The following PPHLN1 variants were observed in gnomAD, a reference collection of about 807,000 sequenced individuals.
The protein encoded by PPHLN1 is periphilin 1.
PPHLN1 carries 29 observed loss-of-function variants against 51.3 expected under a neutral mutation model. The ratio of observed to expected loss-of-function variants is 0.57; its 90% CI spans 0.42 to 0.77. The LOEUF (loss-of-function observed/expected upper bound fraction) is 0.77. PPHLN1 is among the 30% of genes least tolerant of loss of function. The pLI is 0.00. For synonymous variants in PPHLN1, 147 were observed against 147.8 expected (o/e 0.99, Z 0.04); for missense variants, 436 against 438.4 (o/e 0.99, Z 0.05).
In PPHLN1 at chr12:42,396,669, A is replaced by T. The variant is rs1290330723; in HGVS notation, c.769-2185A>T. Among the ~76,000 whole-genome samples, 12 of 138,772 alleles carry T rather than the reference A, an allele frequency of 8.6e-5. No individual in the cohort carries two copies. The Admixed American group carries it at 9.0e-4, about 10-fold the overall frequency. 91.0% of individuals were successfully genotyped at this position (138,772 alleles called of 152,430 possible). A position where few individuals can be genotyped will look rare whatever the true frequency, so the allele number is the denominator to read the frequency against. ...AAAAAGCTGGGTGTGGTGGCCGCTT[A>T]GTCCCAGCTACTCAGGAGACTAAGG... On this transcript the variant is annotated intron_variant, in intron 8 of 9. Transcript: ENST00000358314.
intron 1 of PPHLN1, chr12:42,332,646 T>TC (rs1020582287): frequency 3.7e-5 from 58 of 1,564,062 alleles, no homozygotes; most frequent in Non-Finnish European, 4.8e-5. Flanking sequence ...CGTCTGTATT[T>TC]CCCCCCCTTA....
chr12:42,442,960 T>C (rs1293597195), downstream of PPHLN1: 4 of 602,360 alleles, frequency 6.6e-6, no homozygotes, highest in Non-Finnish European at 1.1e-5. Flanking sequence ...GAAGGCACGC[T>C]GGACCTAGAG....
intron 1 of PPHLN1, among the ~76,000 whole-genome samples, 196 bp from the exon 2 acceptor site, chr12:42,335,687 G>GTTTTT (rs10648343): frequency 8.8e-6 from 1 of 113,726 alleles, no homozygotes; most frequent in Non-Finnish European, 1.8e-5. Flanking sequence ...GGCTTTCCGT[G>GTTTTT]TTTTTTTTTT....
At chr12:42,408,679 A>G (rs921020589) in intron 9 of PPHLN1, among the ~76,000 whole-genome samples, 4 of 152,206 alleles carry the variant, frequency 2.6e-5, no homozygotes, top group African/African-American at 9.6e-5. Flanking sequence ...GATTGGTGAC[A>G]TTACCCACTT....
intron 9 of PPHLN1, among the ~76,000 whole-genome samples, chr12:42,434,071 A>G (rs959558241): frequency 2.6e-5 from 4 of 152,194 alleles, no homozygotes; most frequent in African/African-American, 7.2e-5. Flanking sequence ...CTGTTCCCCC[A>G]TACCTTGCCC....
chr12:42,402,516 T>G (rs1382732834), intron 9 of PPHLN1, among the ~76,000 whole-genome samples: 2 of 152,218 alleles, frequency 1.3e-5, no homozygotes, highest in African/African-American at 4.8e-5. Flanking sequence ...CTTTACTAGC[T>G]TTTCTTCGCT....
chr12:42,411,923 A>AAAAG (rs1424836657), intron 9 of PPHLN1, among the ~76,000 whole-genome samples: 2 of 116,530 alleles, frequency 1.7e-5, no homozygotes, highest in Non-Finnish European at 3.5e-5. Context: ...AAAAAAAAAA[A>AAAAG]GGGCTGGGCG....
rs1349463840 is a variant in PPHLN1 at position 42,422,788 on chromosome 12, G to A, written c.910-18527G>A. ...AATTTCTAATAAATAGAAATACTGAGTTGTGTTCCTTAATACTGGCTTACC... is the reference window on the plus strand; with the variant it reads ...AATTTCTAATAAATAGAAATACTGAATTGTGTTCCTTAATACTGGCTTACC... On this transcript the variant is annotated intron_variant, in intron 9 of 9. Transcript: ENST00000358314. Among the ~76,000 whole-genome samples, 4 of 152,158 alleles carry A rather than the reference G, an allele frequency of 2.6e-5. No homozygotes were observed. In the East Asian group the frequency reaches 5.8e-4, roughly 22 times the overall value.
At chr12:42,353,627 T>G (rs1376904255) in intron 3 of PPHLN1, among the ~76,000 whole-genome samples, 1 of 152,234 alleles carries the variant, frequency 6.6e-6, no homozygotes, top group Non-Finnish European at 1.5e-5. Flanking sequence ...TTTGTGGTCC[T>G]CATATTTATT....
At chr12:42,399,109 C>T in intron 9 of PPHLN1, 115 bp downstream of exon 9, 1 of 1,459,730 alleles carries the variant, frequency 6.9e-7, no homozygotes, top group Non-Finnish European at 9.1e-7. Context: ...TCTAAAACTA[C>T]AACTTAAAAA....
chr12:42,424,322 G>A (rs973691732), intron 9 of PPHLN1, among the ~76,000 whole-genome samples: 3 of 152,180 alleles, frequency 2.0e-5, no homozygotes, highest in African/African-American at 7.2e-5. Flanking sequence ...TAACAGGACA[G>A]AAACCAAATT....
At chr12:42,355,074 G>T (rs1030159326) in intron 3 of PPHLN1, 87 bp from the exon 4 acceptor site, 2 of 1,199,150 alleles carry the variant, frequency 1.7e-6, no homozygotes, top group Non-Finnish European at 1.2e-6. Context: ...AGGGAAATTC[G>T]GTCTAGTTTC....
intron 9 of PPHLN1, among the ~76,000 whole-genome samples, chr12:42,437,653 T>C (rs970235295): frequency 1.3e-5 from 2 of 152,206 alleles, no homozygotes; most frequent in East Asian, 3.8e-4. Context: ...ACACTTGTTA[T>C]GATTGATGAA....
chr12:42,355,664 T>G, intron 4 of PPHLN1: 1 of 154,040 alleles, frequency 6.5e-6, no homozygotes, highest in Non-Finnish European at 1.4e-5. Flanking sequence ...GGCAGGAGGA[T>G]TGCTTGAACC....
At chr12:42,421,719 A>T (rs2081025073) in intron 9 of PPHLN1, among the ~76,000 whole-genome samples, 1 of 152,196 alleles carries the variant, frequency 6.6e-6, no homozygotes, top group African/African-American at 2.4e-5. Context: ...GGCATATGAG[A>T]GAAGGTAAAA....
rs34484756 is a variant in PPHLN1 at position 42,425,246 on chromosome 12, ATTTT to A, written c.910-16053_910-16050del. Among the ~76,000 whole-genome samples the A allele has an allele frequency of 2.9e-3, 361 of 124,794 alleles. 3 individuals are homozygous for A. Among genetic ancestry groups the A allele is most frequent in the African/African-American group, 0.011 (345 of 32,604 alleles). 81.9% of individuals were successfully genotyped at this position (124,794 alleles called of 152,430 possible). A position where few individuals can be genotyped will look rare whatever the true frequency, so the allele number is the denominator to read the frequency against. On this transcript the variant is annotated intron_variant, in intron 9 of 9. Transcript: ENST00000358314. ...AGGTGTGCACCACCATGCCTGGCTA[ATTTT>A]TTTTTTTTTTTTTTTGTATTTTTAG...
At chr12:42,370,768 A>G (rs2075725228) in intron 4 of PPHLN1, among the ~76,000 whole-genome samples, 1 of 152,114 alleles carries the variant, frequency 6.6e-6, no homozygotes, top group South Asian at 2.1e-4. Flanking sequence ...ATTTCTTGCA[A>G]TCTGCTTTGG....
intron 9 of PPHLN1, among the ~76,000 whole-genome samples, chr12:42,407,814 T>A (rs764039815): frequency 2.6e-5 from 4 of 152,164 alleles, no homozygotes; most frequent in Non-Finnish European, 5.9e-5. Flanking sequence ...AATTGTACTG[T>A]GTTGTTTAGG....
chr12:42,353,917 A>T (rs1049275256), intron 3 of PPHLN1, among the ~76,000 whole-genome samples: 3 of 152,158 alleles, frequency 2.0e-5, no homozygotes, highest in Admixed American at 1.3e-4. Flanking sequence ...TTGTGTGTAT[A>T]ACATTTTTTC....
Sources: gnomAD v4.1 joint callset for allele counts (sites outside exome capture counted in the v4.1 genomes callset) on GRCh38, gnomAD v4.1.1 for gene constraint, MANE v1.5 for transcripts, NCBI Gene and HGNC (gene_info 2026-07-23, HGNC 2026-07-21) for gene names.